The following SLC24A4 variants were observed in gnomAD, a reference collection of about 807,000 sequenced individuals.
SLC24A4 encodes sodium/potassium/calcium exchanger 4.
SLC24A4 carries 53 observed loss-of-function variants against 79.0 expected under a neutral mutation model. The observed-to-expected ratio is 0.67, with a 90% CI of 0.54 to 0.84. The LOEUF (loss-of-function observed/expected upper bound fraction) is 0.84, where lower values mean the gene tolerates loss of function less well. SLC24A4 is among the 40% of genes least tolerant of loss of function. SLC24A4 has a pLI of 0.00. For synonymous variants in SLC24A4, 323 were observed against 323.8 expected, an observed-to-expected ratio of 1.00 and a Z score of 0.03; for missense variants, 731 against 822.0, an observed-to-expected ratio of 0.89 and a Z score of 1.35.
At position 92,441,565 on chromosome 14, in the gene SLC24A4, C is replaced by T. The variant is rs575327172; in HGVS notation, c.394-524C>T. ...CATTGAGGCCCCCAGTACCCAAAAC[C>T]GGCATGGGAGGGGATGGTCACTAGA... On this transcript the variant is annotated intron_variant, in intron 4 of 16. Coordinates refer to ENST00000532405, the MANE Select transcript of SLC24A4 (RefSeq NM_153646.4). This position sits in a 1 kb window ranked among gnomAD's most constrained non-coding sequence, Gnocchi z 4.6. 3.3e-5 allele frequency among the ~76,000 whole-genome samples: 5 copies of T among 152,336 alleles called. No homozygotes were observed. Among genetic ancestry groups the T allele is most frequent in the East Asian group, 1.9e-4 (1 of 5,180 alleles).
At chr14:92,387,197 G>A (rs1456854858) in intron 2 of SLC24A4, among the ~76,000 whole-genome samples, 1 of 133,510 alleles carries the variant, frequency 7.5e-6, no homozygotes, top group African/African-American at 3.8e-5. Flanking sequence ...TTTTTTTTGA[G>A]ATGGAGTCTC....
At chr14:92,413,753 G>A (rs1890843667) in intron 2 of SLC24A4, among the ~76,000 whole-genome samples, 1 of 152,202 alleles carries the variant, frequency 6.6e-6, no homozygotes, top group South Asian at 2.1e-4. Context: ...TAGGAACACA[G>A]CACTGCAGAA....
chr14:92,461,824 A>G (rs777103937), intron 12 of SLC24A4, among the ~76,000 whole-genome samples: 26 of 152,162 alleles, frequency 1.7e-4, no homozygotes, highest in Non-Finnish European at 3.7e-4. Flanking sequence ...TTGCCACAGA[A>G]CGAGGTAGGA....
rs1038290269 is a variant in SLC24A4, at chr14:92,495,759, C to T, written c.*2131C>T. ...GAGGCCAAGCACCAGTCCATCACCC[C>T]TCCCAGGCCAGCCTCTGTAAGTTGG... is the stretch of plus-strand genomic sequence containing the variant. On this transcript the variant is annotated 3_prime_UTR_variant, in exon 17 of 17. Transcript: ENST00000532405. The T allele has an allele frequency of 6.6e-6, 1 of 152,300 alleles. No individual in the cohort carries two copies. Among genetic ancestry groups the T allele is most frequent in the African/African-American group, 2.4e-5 (1 of 41,448 alleles). 9.4% of individuals were successfully genotyped at this position (152,300 alleles called of 1,614,324 possible).
intron 2 of SLC24A4, among the ~76,000 whole-genome samples, chr14:92,384,179 G>A (rs1889016742): frequency 6.6e-6 from 1 of 152,156 alleles, no homozygotes; most frequent in South Asian, 2.1e-4. Context: ...GTGGCAAACA[G>A]GGTCTTTGGG....
chr14:92,463,234 C>T (rs1427521856), intron 12 of SLC24A4, among the ~76,000 whole-genome samples: 1 of 152,180 alleles, frequency 6.6e-6, no homozygotes, highest in African/African-American at 2.4e-5. Context: ...CTTGAGAGGG[C>T]TCTACCGGTG....
chr14:92,337,723 G>C (rs548414577), intron 2 of SLC24A4, among the ~76,000 whole-genome samples: 1 of 152,288 alleles, frequency 6.6e-6, no homozygotes, highest in South Asian at 2.1e-4. Flanking sequence ...GCATGGGAGT[G>C]CTTGTACACA....
In SLC24A4 at chr14:92,348,325, A is replaced by G. The variant is rs147367945; in HGVS notation, c.241+22347A>G. Among the ~76,000 whole-genome samples, 3 of 152,224 alleles carry G rather than the reference A, an allele frequency of 2.0e-5. No individual in the cohort carries two copies. In the South Asian group the frequency reaches 6.2e-4, roughly 32 times the overall value. On this transcript the variant is annotated intron_variant, in intron 2 of 16. Coordinates refer to ENST00000532405, the MANE Select transcript of SLC24A4 (RefSeq NM_153646.4). ...ACATTGACACAGTAGTATTTTTATCATGACAGTTGTTCTAAGTCAGAGGTC... is the reference window on the plus strand; with the variant it reads ...ACATTGACACAGTAGTATTTTTATCGTGACAGTTGTTCTAAGTCAGAGGTC...
In SLC24A4 at chr14:92,353,439, AGGGTGG is replaced by A. The variant is rs1268230877; in HGVS notation, c.241+27463_241+27468del. Among the ~76,000 whole-genome samples the A allele has an allele frequency of 1.3e-5, 2 of 152,198 alleles. No individual in the cohort carries two copies. The highest frequency in any genetic ancestry group is 1.5e-5 in the Non-Finnish European group (1 of 68,008). ...GCTTAGAAGTAAATTGCTGGGTCAG[AGGGTGG>A]GTGAATTTGTCATTTTGACAGATGG... On this transcript the variant is annotated intron_variant, in intron 2 of 16. Transcript: ENST00000532405. This position sits in a 1 kb window ranked among gnomAD's most constrained non-coding sequence, Gnocchi z 4.1.
intron 2 of SLC24A4, among the ~76,000 whole-genome samples, chr14:92,377,209 C>T (rs924180036): frequency 5.9e-5 from 9 of 152,202 alleles, no homozygotes; most frequent in Non-Finnish European, 1.3e-4. Flanking sequence ...TCCCTAATTA[C>T]CAGTCAGTTA....
At chr14:92,322,868 T>A (rs1182800399), upstream of SLC24A4, among the ~76,000 whole-genome samples, 1 of 152,024 alleles carries the variant, frequency 6.6e-6, no homozygotes, top group African/African-American at 2.4e-5. Context: ...GCGACTACAC[T>A]GCAGAAACCC....
chr14:92,323,862 A>C lies in SLC24A4; in HGVS notation c.32A>C (p.Lys11Thr), dbSNP rs774671782. The C allele has an allele frequency of 6.3e-7, 1 of 1,598,970 alleles. No individual in the cohort carries two copies. The highest frequency in any genetic ancestry group is 2.2e-5 in the East Asian group (1 of 44,698). MALRGTLRPL[K>T]VRRRREMLPQ... is the part of the protein sequence containing the mutation. ...CTCCGCGGGACCCTCCGGCCGCTCA[A>C]AGTTCGCAGGAGGCGAGAGATGCTG... is the stretch of plus-strand genomic sequence containing the variant. Residue 11 changes from lysine (K) to threonine (T), a missense_variant, in exon 1 of 17, where the codon AAA becomes ACA. Coordinates refer to ENST00000532405, the MANE Select transcript of SLC24A4 (RefSeq NM_153646.4). This position sits in a 1 kb window ranked among gnomAD's most constrained non-coding sequence, Gnocchi z 4.9.
rs1888508799 is a variant in SLC24A4 at position 92,376,492 on chromosome 14, T to C, written c.241+50514T>C. Among the ~76,000 whole-genome samples, 8 of 152,348 alleles carry C rather than the reference T, an allele frequency of 5.3e-5. 2 individuals carry two copies. The South Asian group carries it at 1.7e-3, about 32-fold the overall frequency. On this transcript the variant is annotated intron_variant, in intron 2 of 16. Coordinates refer to ENST00000532405, the MANE Select transcript of SLC24A4 (RefSeq NM_153646.4). ...GCGTGGGAGACGACTGGCTTTTCTT[T>C]CCTCTGTGATCCGTCCATGGTATTT...
intron 2 of SLC24A4, among the ~76,000 whole-genome samples, chr14:92,431,002 C>A (rs1429938450): frequency 2.6e-5 from 4 of 152,206 alleles, no homozygotes; most frequent in Non-Finnish European, 4.4e-5. Context: ...CCAGGAAGCC[C>A]ATGGGAGGAG....
chr14:92,442,080 C>G lies in SLC24A4; in HGVS notation c.394-9C>G, dbSNP rs777797417. On this transcript the variant is annotated splice_polypyrimidine_tract_variant and intron_variant, in intron 4 of 16. Transcript: ENST00000532405. ...ACACCCTGAGGGTCTGTGGTCACTT[C>G]CGTTTCAGAGACTCCATCTGAGCGA... The G allele has an allele frequency of 6.2e-7, 1 of 1,612,584 alleles. No homozygotes were observed. Among genetic ancestry groups the G allele is most frequent in the South Asian group, 1.1e-5 (1 of 90,988 alleles).
At chr14:92,369,491 G>T (rs972339017) in intron 2 of SLC24A4, among the ~76,000 whole-genome samples, 1 of 152,206 alleles carries the variant, frequency 6.6e-6, no homozygotes, top group East Asian at 1.9e-4. Flanking sequence ...AAAGGAGACT[G>T]TGGAGACAGG....
chr14:92,449,270 C>G, intron 10 of SLC24A4, 54 bp downstream of exon 10: 1 of 1,570,606 alleles, frequency 6.4e-7, no homozygotes, highest in Non-Finnish European at 8.7e-7. Flanking sequence ...GCCACTCTCT[C>G]CTCTTTTGTG....
At chr14:92,423,185 C>T (rs1321031362) in intron 2 of SLC24A4, among the ~76,000 whole-genome samples, 2 of 151,874 alleles carry the variant, frequency 1.3e-5, no homozygotes, top group East Asian at 3.9e-4. Flanking sequence ...TGCTCTGTTG[C>T]CCAGGCTGGA....
chr14:92,351,236 G>GCGCGCGCGCACACACACACA (rs112120101), intron 2 of SLC24A4, among the ~76,000 whole-genome samples: 5 of 146,986 alleles, frequency 3.4e-5, no homozygotes, highest in Non-Finnish European at 3.0e-5. Flanking sequence ...ACACATACAC[G>GCGCGCGCGCACACACACACA]CACACACACA....
Sources: gnomAD v4.1 joint callset for allele counts (sites outside exome capture counted in the v4.1 genomes callset) on GRCh38, gnomAD v4.1.1 for gene constraint, Gnocchi (gnomAD v3.1) non-coding constraint, MANE v1.5 for transcripts, NCBI Gene and HGNC (gene_info 2026-07-23, HGNC 2026-07-21) for gene names.